Variants in ITPRID1 observed in about 807,000 individuals in gnomAD.
ITPRID1 encodes the protein ITPR interacting domain containing 1, also known as protein ITPRID1.
In ITPRID1, 96 loss-of-function variants were observed where a neutral mutation model predicts 95.4. That is an observed-to-expected ratio of 1.01 (90% CI 0.85 to 1.19). The LOEUF (loss-of-function observed/expected upper bound fraction) is 1.19. Among genes scored for constraint, ITPRID1 ranks in the 50% most tolerant of loss-of-function variants. The probability of loss-of-function intolerance (pLI) is 0.00; values close to 1 mark genes in which losing one functional copy is unlikely to be tolerated. For missense variants in ITPRID1, 1,339 were observed against 1,252.9 expected, an observed-to-expected ratio of 1.07 and a Z score of -1.04; for synonymous variants, 510 against 453.6, an observed-to-expected ratio of 1.12 and a Z score of -1.58.
At chr7:31,595,135 C>G (rs1394329492) in intron 10 of ITPRID1, among the ~76,000 whole-genome samples, 2 of 147,950 alleles carry the variant, frequency 1.4e-5, no homozygotes, top group Admixed American at 6.7e-5. Flanking sequence ...GCAACCGCCT[C>G]CCAGGTTTAA....
intron 12 of ITPRID1, among the ~76,000 whole-genome samples, chr7:31,650,168 G>A (rs1263429156): frequency 6.6e-6 from 1 of 152,190 alleles, no homozygotes; most frequent in Non-Finnish European, 1.5e-5. Flanking sequence ...ACACTTGTGA[G>A]TTGTAAGAAA....
chr7:31,516,128 C>T (rs887214040), intron 1 of ITPRID1, among the ~76,000 whole-genome samples: 13 of 152,106 alleles, frequency 8.5e-5, no homozygotes, highest in African/African-American at 3.1e-4. Flanking sequence ...ATCACAGAGA[C>T]ACATAGGATT....
chr7:31,648,237 ATTGAAG>A (rs1302828357), intron 12 of ITPRID1, among the ~76,000 whole-genome samples: 1 of 152,192 alleles, frequency 6.6e-6, no homozygotes, highest in Non-Finnish European at 1.5e-5. Flanking sequence ...TGCTCTTACC[ATTGAAG>A]TTAAAGTTTG....
intron 10 of ITPRID1, among the ~76,000 whole-genome samples, chr7:31,615,172 C>T (rs1467138428): frequency 6.6e-6 from 1 of 152,090 alleles, no homozygotes; most frequent in Non-Finnish European, 1.5e-5. Context: ...TTGCTGAACA[C>T]ATACTGTAGA....
chr7:31,556,111 C>A (rs1562566659), intron 5 of ITPRID1, among the ~76,000 whole-genome samples: 1 of 152,034 alleles, frequency 6.6e-6, no homozygotes. Context: ...AGTAACCATA[C>A]TAAAAGCTTC....
At position 31,553,153 on chromosome 7, in the gene ITPRID1, G is replaced by A; in HGVS notation, c.129G>A (p.Glu43=). 6.3e-7 allele frequency: 1 copy of A among 1,589,344 alleles called. No homozygotes were observed. The highest frequency in any genetic ancestry group is 1.3e-5 in the African/African-American group (1 of 74,590). Residue 43 remains glutamate (E), a synonymous_variant, in exon 3 of 15, where the codon GAG becomes GAA. Transcript: ENST00000615280. The part of the protein sequence containing the change: ...PLDEWLPPDP[E]EESQSLTIPM... ...ATGAGTGGCTGCCCCCTGACCCTGA[G>A]GAGGAAAGCCAGAGTCTCACCATCC...
In ITPRID1 at chr7:31,583,188, G is replaced by A; in HGVS notation, c.1225G>A (p.Val409Ile). ...TCCTCTTGACATGACTTCAGGAACT[G>A]TAGGTAAGAATTCATCAAGGTGTGT... ...GNPLDMTSGT[V>I]GARVDRANSC... The change falls in exon 10 of 15, where the codon GTA (valine) becomes ATA (isoleucine). Residue 409 changes from valine to isoleucine, a missense_variant. Transcript: ENST00000615280. The A allele has an allele frequency of 1.9e-6, 3 of 1,606,932 alleles. No individual in the cohort carries two copies. The highest frequency in any genetic ancestry group is 2.6e-6 in the Non-Finnish European group (3 of 1,174,150).
intron 6 of ITPRID1, among the ~76,000 whole-genome samples, chr7:31,571,787 CT>C (rs2128143596): frequency 6.6e-6 from 1 of 152,250 alleles, no homozygotes; most frequent in South Asian, 2.1e-4. Flanking sequence ...AAGTTGGTGC[CT>C]AGCAAAGCTG....
intron 1 of ITPRID1, among the ~76,000 whole-genome samples, chr7:31,547,718 A>G (rs1248025454): frequency 6.6e-6 from 1 of 152,160 alleles, no homozygotes; most frequent in Non-Finnish European, 1.5e-5. Flanking sequence ...AGTCCTTGGC[A>G]TAAGCAACTG....
chr7:31,643,831 A>C lies in ITPRID1; in HGVS notation c.2461A>C (p.Ser821Arg). ...CCCTCACTGCCACGGGGAGAGGCAA[A>C]GCCCTGGCCCTGAACCCTCAGTCTG... Reference protein sequence around the residue: ...HHPHCHGERQSPGPEPSVCRH... With the variant: ...HHPHCHGERQRPGPEPSVCRH... Residue 821 changes from serine to arginine, a missense_variant, in exon 12 of 15, where the codon AGC becomes CGC. Physicochemically the swap from Ser to Arg is moderately radical, Grantham distance 110. Transcript: ENST00000615280. 1 of 1,613,920 alleles carries C rather than the reference A, an allele frequency of 6.2e-7. No homozygotes were observed. The highest frequency in any genetic ancestry group is 1.6e-4 in the Middle Eastern group (1 of 6,062).
rs77503219 is a variant in ITPRID1, at chr7:31,653,277, G to A, written c.*448G>A. 500 of 166,836 alleles carry A rather than the reference G, an allele frequency of 3.0e-3. 2 individuals are homozygous for A. The highest frequency in any genetic ancestry group is 0.02 in the Middle Eastern group (6 of 306). 10.3% of individuals were successfully genotyped at this position (166,836 alleles called of 1,614,324 possible). A position where few individuals can be genotyped will look rare whatever the true frequency, so the allele number is the denominator to read the frequency against. ...GGAAAGGGTGCTAATGGGGAAAGAG[G>A]TGTGGGTACATAGGAGGCAAACAGT... On this transcript the variant is annotated 3_prime_UTR_variant, in exon 15 of 15. Coordinates refer to ENST00000615280, the MANE Select transcript of ITPRID1 (RefSeq NM_001257967.3).
chr7:31,652,845 T>C lies in ITPRID1; in HGVS notation c.*16T>C, dbSNP rs1364560827. On this transcript the variant is annotated 3_prime_UTR_variant, in exon 15 of 15. Coordinates refer to ENST00000615280, the MANE Select transcript of ITPRID1 (RefSeq NM_001257967.3). ...CTTCCTCTAGATCAGAGCAGGTTTG[T>C]TAACCTTCATACAAAATATAAAGGC... is the stretch of plus-strand genomic sequence containing the variant. 1 of 1,602,546 alleles carries C rather than the reference T, an allele frequency of 6.2e-7. No homozygotes were observed. Among genetic ancestry groups the C allele is most frequent in the Non-Finnish European group, 8.5e-7 (1 of 1,170,842 alleles).
intron 10 of ITPRID1, among the ~76,000 whole-genome samples, chr7:31,627,186 T>C (rs1356352194): frequency 9.2e-5 from 14 of 152,346 alleles, no homozygotes; most frequent in African/African-American, 3.1e-4. Flanking sequence ...CCGTTGTCCA[T>C]GCAGTGCCTG....
Position 31,642,835 on chromosome 7 carries a change from G to T in ITPRID1, c.1465G>T (p.Glu489Ter). 1 of 1,613,850 alleles carries T rather than the reference G, an allele frequency of 6.2e-7. No homozygotes were observed. The highest frequency in any genetic ancestry group is 8.5e-7 in the Non-Finnish European group (1 of 1,179,810). ...GGCGAGCATGTCTTTTTCAAGCCAA[G>T]AAGCGAATGCCTTGGAACAAAGGGC... ...SRASMSFSSQ[E>*]ANALEQRASV... Residue 489 changes from glutamate (E) to a stop codon, truncating the protein, a stop_gained, in exon 12 of 15, where the codon GAA becomes TAA. Coordinates refer to ENST00000615280, the MANE Select transcript of ITPRID1 (RefSeq NM_001257967.3). LOFTEE classifies it high-confidence loss of function.
chr7:31,534,387 AATTAG>A (rs1319730573), intron 1 of ITPRID1, among the ~76,000 whole-genome samples: 2 of 152,182 alleles, frequency 1.3e-5, no homozygotes, highest in African/African-American at 4.8e-5. Flanking sequence ...TCCAGCTCTG[AATTAG>A]ATTTGTCTAT....
Position 31,588,631 on chromosome 7 carries a change from C to CAA in ITPRID1, c.1228+5450_1228+5451dup, listed in dbSNP as rs57245935. ...TGGGCAACAGAGTGATACTCTGTCT[C>CAA]AAAAAAAAAAATTAGAAGTCTTATG... On this transcript the variant is annotated intron_variant, in intron 10 of 14. Transcript: ENST00000615280. Among the ~76,000 whole-genome samples the CAA allele has an allele frequency of 2.8e-4, 12 of 42,550 alleles. 2 individuals carry two copies. The highest frequency in any genetic ancestry group is 4.9e-4 in the Non-Finnish European group (12 of 24,520). 27.9% of individuals were successfully genotyped at this position (42,550 alleles called of 152,430 possible).
rs186727343 is a variant in ITPRID1, at chr7:31,643,272, C to G, written c.1902C>G (p.Leu634=). 3 of 1,613,750 alleles carry G rather than the reference C, an allele frequency of 1.9e-6. No homozygotes were observed. The highest frequency in any genetic ancestry group is 4.5e-5 in the East Asian group (2 of 44,874). The change falls in exon 12 of 15, where the codon CTC becomes CTG. Residue 634 remains leucine, a synonymous_variant. Coordinates refer to ENST00000615280, the MANE Select transcript of ITPRID1 (RefSeq NM_001257967.3). ...GFCPHTNHSL[L]VPESSSQCIP... ...GTCCTCACACCAACCACAGCTTACTCGTACCAGAAAGCTCATCACAGTGTA... is the reference window on the plus strand; with the variant it reads ...GTCCTCACACCAACCACAGCTTACTGGTACCAGAAAGCTCATCACAGTGTA...
downstream of ITPRID1, chr7:31,658,192 G>C (rs188750049): frequency 4.0e-3 from 5,268 of 1,301,164 alleles, 63 homozygotes; most frequent in South Asian, 0.022. Flanking sequence ...AAGGATATTC[G>C]TTTTTTAGCC....
chr7:31,575,759 C>A (rs570240282), intron 8 of ITPRID1, among the ~76,000 whole-genome samples: 1 of 152,160 alleles, frequency 6.6e-6, no homozygotes. Flanking sequence ...AAAGGAAAGT[C>A]ATGTGAGACA....
Sources: gnomAD v4.1 joint callset for allele counts (sites outside exome capture counted in the v4.1 genomes callset) on GRCh38, gnomAD v4.1.1 for gene constraint, MANE v1.5 for transcripts, NCBI Gene and HGNC (gene_info 2026-07-23, HGNC 2026-07-21) for gene names.